The following DNAH10 variants were observed in gnomAD, a reference collection of about 807,000 sequenced individuals.
DNAH10 encodes the protein dynein axonemal heavy chain 10.
A neutral mutation model predicts 506.6 loss-of-function variants in DNAH10; 348 were observed. The ratio of observed to expected loss-of-function variants is 0.69; its 90% confidence interval spans 0.63 to 0.75. The LOEUF (loss-of-function observed/expected upper bound fraction) is 0.75. DNAH10 is among the 30% of genes least tolerant of loss of function. The probability of loss-of-function intolerance (pLI) is 0.00; values close to 1 mark genes in which losing one functional copy is unlikely to be tolerated. For missense variants in DNAH10, 5,179 were observed against 5,787.1 expected (o/e 0.89, Z 3.41); for synonymous variants, 2,059 against 2,198.6 (o/e 0.94, Z 1.78).
At chr12:123,789,497 C>T (rs1476164345) in intron 10 of DNAH10, among the ~76,000 whole-genome samples, 4 of 152,022 alleles carry the variant, frequency 2.6e-5, no homozygotes, top group African/African-American at 9.7e-5. Context: ...GATTCTCCTG[C>T]CTCAGCCTCC....
intron 51 of DNAH10, among the ~76,000 whole-genome samples, chr12:123,883,033 G>A (rs182481996): frequency 1.3e-5 from 2 of 152,246 alleles, no homozygotes; most frequent in Non-Finnish European, 2.9e-5. Context: ...CAAAGTTCAT[G>A]TTGTAGCATA....
At chr12:123,929,839 C>G in intron 72 of DNAH10, 80 bp downstream of exon 72, 1 of 1,293,634 alleles carries the variant, frequency 7.7e-7, no homozygotes. Context: ...TTCCTCTGAG[C>G]CCTCAGAACC....
chr12:123,843,955 C>G (rs1950860596), intron 30 of DNAH10, among the ~76,000 whole-genome samples: 1 of 152,178 alleles, frequency 6.6e-6, no homozygotes, highest in African/African-American at 2.4e-5. Flanking sequence ...AGTCACTTTT[C>G]CAGTATTGGC....
intron 10 of DNAH10, among the ~76,000 whole-genome samples, chr12:123,788,424 T>G (rs1292295726): frequency 6.6e-6 from 1 of 152,140 alleles, no homozygotes; most frequent in African/African-American, 2.4e-5. Context: ...CTGATTGAAT[T>G]AGCCACAGCA....
At chr12:123,893,560 A>G in intron 53 of DNAH10, 124 bp downstream of exon 53, 2 of 1,083,828 alleles carry the variant, frequency 1.8e-6, no homozygotes, top group Non-Finnish European at 1.3e-6. Flanking sequence ...TTAGGTGGAA[A>G]TGTGGGCTCT....
chr12:123,926,517 T>C lies in DNAH10; in HGVS notation c.11922-120T>C, dbSNP rs748837399. On this transcript the variant is annotated intron_variant, in intron 68 of 78. Coordinates refer to ENST00000673944, the MANE Select transcript of DNAH10 (RefSeq NM_001372106.1). The surrounding 1 kb of genome is among the most constrained non-coding windows in gnomAD (Gnocchi z 4.1). ...AAACAGGGAAGACTGCAACGAGCTATCCCAGAGGAGTGGTCAGAAGGTTCT... is the reference window on the plus strand; with the variant it reads ...AAACAGGGAAGACTGCAACGAGCTACCCCAGAGGAGTGGTCAGAAGGTTCT... The C allele has an allele frequency of 2.8e-4, 298 of 1,059,562 alleles. 2 individuals carry two copies. Among genetic ancestry groups the C allele is most frequent in the Non-Finnish European group, 2.4e-4 (181 of 743,344 alleles). The allele number at this position is 1,059,562 out of a possible 1,614,324, so 65.6% of individuals were successfully genotyped here. A position where few individuals can be genotyped will look rare whatever the true frequency, so the allele number is the denominator to read the frequency against.
Position 123,857,007 on chromosome 12 carries a change from C to T in DNAH10, c.6439-49C>T, listed in dbSNP as rs367900561. ...TGGGTTGGAAACACAGTCCAAAGCACTGGGTTCCTTTGGAAATCTCTTGGA... is the reference window on the plus strand; with the variant it reads ...TGGGTTGGAAACACAGTCCAAAGCATTGGGTTCCTTTGGAAATCTCTTGGA... On this transcript the variant is annotated intron_variant, in intron 36 of 78. Transcript: ENST00000673944. 1.8e-4 allele frequency: 272 copies of T among 1,546,022 alleles called. 1 individual carries two copies. The highest frequency in any genetic ancestry group is 1.0e-3 in the Middle Eastern group (6 of 5,906).
In DNAH10 at chr12:123,851,122, C is replaced by T. The variant is rs550021360; in HGVS notation, c.6291+46C>T. 4.2e-5 allele frequency: 64 copies of T among 1,517,002 alleles called. No individual in the cohort carries two copies. The African/African-American group carries it at 5.6e-4, about 13-fold the overall frequency. 94.0% of individuals were successfully genotyped at this position (1,517,002 alleles called of 1,614,324 possible). On this transcript the variant is annotated intron_variant, in intron 35 of 78. Transcript: ENST00000673944. ...CAGGTCGTGCAGTGCAGACTTCACC[C>T]GGGTCTGCTTCCAGACTGGGGACCT...
intron 5 of DNAH10, among the ~76,000 whole-genome samples, chr12:123,777,113 G>A (rs118157944): frequency 2.0e-5 from 3 of 152,232 alleles, no homozygotes; most frequent in Admixed American, 6.5e-5. Flanking sequence ...TTGGACTATC[G>A]CAGGAGCCTC....
At chr12:123,812,463 A>AAAAC (rs544378859) in intron 19 of DNAH10, among the ~76,000 whole-genome samples, 5 of 152,160 alleles carry the variant, frequency 3.3e-5, no homozygotes, top group East Asian at 1.9e-4. Flanking sequence ...AAAAAACAAC[A>AAAAC]AAACAAACAA....
intron 72 of DNAH10, 178 bp from the exon 73 acceptor site, chr12:123,930,224 C>T: frequency 1.7e-6 from 1 of 585,666 alleles, no homozygotes; most frequent in East Asian, 3.2e-5. Context: ...GCCAGCAAAG[C>T]CACAGATCAA....
At chr12:123,881,855 G>C in intron 51 of DNAH10, 42 bp downstream of exon 51, 2 of 1,428,020 alleles carry the variant, frequency 1.4e-6, no homozygotes, top group East Asian at 2.7e-5. Flanking sequence ...TACGATGCCA[G>C]TTTCTGCAGT....
chr12:123,838,793 T>G, intron 29 of DNAH10, 104 bp downstream of exon 29: 3 of 1,059,056 alleles, frequency 2.8e-6, no homozygotes, highest in Non-Finnish European at 4.1e-6. Context: ...GGGTTAAGAC[T>G]GAAATGCTGC....
chr12:123,767,825 T>C lies in DNAH10; in HGVS notation c.298+136T>C, dbSNP rs144545842. 211 of 731,004 alleles carry C rather than the reference T, an allele frequency of 2.9e-4. No homozygotes were observed. In the African/African-American group the frequency reaches 3.1e-3, roughly 11 times the overall value. The allele number at this position is 731,004 out of a possible 1,614,324, so 45.3% of individuals were successfully genotyped here. On this transcript the variant is annotated intron_variant, in intron 2 of 78. Coordinates refer to ENST00000673944, the MANE Select transcript of DNAH10 (RefSeq NM_001372106.1). ...ACCACAAAGAGAAAGTGCTGGGTCA[T>C]GAATAGACGGATGTAGTAGTTTCCC...
chr12:123,764,051 A>G (rs1566303537), intron 1 of DNAH10, among the ~76,000 whole-genome samples: 1 of 151,254 alleles, frequency 6.6e-6, no homozygotes, highest in East Asian at 1.9e-4. Context: ...TTTCTAGTAG[A>G]GACAGGGTTT....
chr12:123,800,925 G>A (rs1247590916), intron 15 of DNAH10, among the ~76,000 whole-genome samples: 1 of 152,006 alleles, frequency 6.6e-6, no homozygotes, highest in Non-Finnish European at 1.5e-5. Flanking sequence ...GCTGAGGCAG[G>A]AGAATTGCCT....
intron 18 of DNAH10, among the ~76,000 whole-genome samples, chr12:123,807,631 G>T (rs1958730809): frequency 6.6e-6 from 1 of 152,058 alleles, no homozygotes; most frequent in East Asian, 2.0e-4. Flanking sequence ...GAGGGTGGCA[G>T]GGGTGGATCA....
intron 39 of DNAH10, among the ~76,000 whole-genome samples, chr12:123,862,134 G>T (rs1411222825): frequency 6.6e-6 from 1 of 152,192 alleles, no homozygotes; most frequent in Non-Finnish European, 1.5e-5. Context: ...CGGGCACATG[G>T]TGTTGGTTGC....
intron 74 of DNAH10, 56 bp downstream of exon 74, chr12:123,931,528 T>C: frequency 6.2e-7 from 1 of 1,606,940 alleles, no homozygotes; most frequent in Non-Finnish European, 8.5e-7. Flanking sequence ...CGATTGCTTC[T>C]TGTAGCCCTC....
Sources: allele counts gnomAD v4.1 joint callset (sites outside exome capture counted in the v4.1 genomes callset), GRCh38; gene constraint gnomAD v4.1.1; non-coding constraint Gnocchi (gnomAD v3.1); transcripts MANE v1.5; gene names NCBI Gene and HGNC (gene_info 2026-07-23, HGNC 2026-07-21).